GPC6: variants seen among roughly 807,000 people sequenced by gnomAD.
GPC6 encodes glypican-6.
A neutral mutation model predicts 55.2 loss-of-function variants in GPC6; 14 were observed. The observed-to-expected ratio is 0.25, with a 90% CI of 0.17 to 0.40. The LOEUF (loss-of-function observed/expected upper bound fraction) is 0.40. Among genes scored for constraint, GPC6 ranks in the 10% least tolerant of loss-of-function variants. The pLI, the probability that GPC6 is intolerant of heterozygous loss-of-function variation, is 1.00. For synonymous variants in GPC6, 278 were observed against 259.6 expected, an observed-to-expected ratio of 1.07 and a Z score of -0.68; for missense variants, 641 against 708.5, an observed-to-expected ratio of 0.90 and a Z score of 1.08.
intron 7 of GPC6, among the ~76,000 whole-genome samples, chr13:94,392,414 AATTTTTTTTTTTT>A (rs1301342979): frequency 8.3e-5 from 9 of 108,136 alleles, no homozygotes; most frequent in African/African-American, 2.8e-4. Context: ...TTCTATTTTT[AATTTTTTTTTTTT>A]TTTTTTTTTT....
intron 3 of GPC6, among the ~76,000 whole-genome samples, chr13:93,953,776 C>T (rs918498299): frequency 2.0e-5 from 3 of 152,074 alleles, no homozygotes; most frequent in African/African-American, 7.2e-5. Context: ...TGTTATCTTC[C>T]CCTTGCACTC....
At chr13:93,825,607 C>A (rs917532553) in intron 2 of GPC6, among the ~76,000 whole-genome samples, 2 of 152,292 alleles carry the variant, frequency 1.3e-5, no homozygotes, top group Non-Finnish European at 2.9e-5. Context: ...TTCATTAACG[C>A]TCCTCATTAA....
At chr13:94,334,176 C>G (rs61962184) in intron 6 of GPC6, among the ~76,000 whole-genome samples, 1 of 152,196 alleles carries the variant, frequency 6.6e-6, no homozygotes, top group East Asian at 1.9e-4. Context: ...ACCCAGTGGT[C>G]TCTGTCACAG....
chr13:93,668,412 T>C (rs978865032), intron 2 of GPC6, among the ~76,000 whole-genome samples: 16 of 152,204 alleles, frequency 1.1e-4, no homozygotes, highest in African/African-American at 3.6e-4. Context: ...TGCCTGATAG[T>C]GTAGTGGGTT....
chr13:93,469,157 G>A (rs758246414), intron 1 of GPC6, among the ~76,000 whole-genome samples: 3 of 151,980 alleles, frequency 2.0e-5, no homozygotes, highest in Non-Finnish European at 4.4e-5. Context: ...ATAAATAAAT[G>A]TATTATAAAT....
intron 2 of GPC6, among the ~76,000 whole-genome samples, chr13:93,722,186 T>C (rs1307497307): frequency 6.6e-6 from 1 of 151,812 alleles, no homozygotes; most frequent in Non-Finnish European, 1.5e-5. Context: ...CCTTCAATTA[T>C]GGCCATTTTA....
chr13:93,327,136 T>C (rs1189889499), intron 1 of GPC6, among the ~76,000 whole-genome samples: 1 of 152,186 alleles, frequency 6.6e-6, no homozygotes, highest in Non-Finnish European at 1.5e-5. Flanking sequence ...TTTGATGTGT[T>C]CAAATGTGAT....
chr13:93,644,995 G>C (rs1475200287), intron 2 of GPC6, among the ~76,000 whole-genome samples: 1 of 152,052 alleles, frequency 6.6e-6, no homozygotes, highest in Non-Finnish European at 1.5e-5. Flanking sequence ...CAAAAGCAAA[G>C]AGTGTACCAG....
rs372764406 is a variant in GPC6 at position 93,346,165 on chromosome 13, T to A, written c.160+118549T>A. On this transcript the variant is annotated intron_variant, in intron 1 of 8. Coordinates refer to ENST00000377047, the MANE Select transcript of GPC6 (RefSeq NM_005708.5). ...AGAACTGCAGTTCATTTTTTTTTCA[T>A]TAAGTTTTAAAGAGAAGGTGAAGGG... Among the ~76,000 whole-genome samples, 17 of 152,164 alleles carry A rather than the reference T, an allele frequency of 1.1e-4. No homozygotes were observed. In the East Asian group the frequency reaches 1.2e-3, roughly 10 times the overall value.
At chr13:93,837,216 A>C (rs145988598) in intron 3 of GPC6, among the ~76,000 whole-genome samples, 1 of 152,152 alleles carries the variant, frequency 6.6e-6, no homozygotes, top group East Asian at 1.9e-4. Flanking sequence ...ATATTACTTC[A>C]TGGTAAAATT....
At chr13:93,492,991 G>T in intron 1 of GPC6, among the ~76,000 whole-genome samples, 1 of 93,050 alleles carries the variant, frequency 1.1e-5, no homozygotes. Flanking sequence ...CTCTTTTTTG[G>T]TTGTGTCTCT....
chr13:94,274,467 T>C (rs10219830), intron 4 of GPC6, among the ~76,000 whole-genome samples: 5,818 of 152,276 alleles, frequency 0.038, 380 homozygotes, highest in African/African-American at 0.13. Context: ...TTGGTTCGCT[T>C]CCATTTTCTA....
chr13:94,402,339 G>A (rs915796469), intron 8 of GPC6, among the ~76,000 whole-genome samples: 1 of 152,218 alleles, frequency 6.6e-6, no homozygotes, highest in African/African-American at 2.4e-5. Flanking sequence ...GTACTGGCCA[G>A]AAGAAATGTC....
At position 94,406,025 on chromosome 13, in the gene GPC6, T is replaced by C. The variant is rs1219781024; in HGVS notation, c.*2808T>C. On this transcript the variant is annotated 3_prime_UTR_variant, in exon 9 of 9. Coordinates refer to ENST00000377047, the MANE Select transcript of GPC6 (RefSeq NM_005708.5). ...TAGGGGATGCAATGAGGCTTCATTATTTTTTATGACCTGCCCCTCATTTGC... is the reference window on the plus strand; with the variant it reads ...TAGGGGATGCAATGAGGCTTCATTACTTTTTATGACCTGCCCCTCATTTGC... The C allele has an allele frequency of 1.3e-5, 2 of 152,156 alleles. No individual in the cohort carries two copies. Among genetic ancestry groups the C allele is most frequent in the African/African-American group, 4.8e-5 (2 of 41,444 alleles). The allele number at this position is 152,156 out of a possible 1,614,324, so 9.4% of individuals were successfully genotyped here.
intron 4 of GPC6, among the ~76,000 whole-genome samples, chr13:94,236,610 C>T (rs1351252933): frequency 2.0e-5 from 3 of 151,968 alleles, no homozygotes; most frequent in African/African-American, 4.8e-5. Flanking sequence ...CAAGGTGAGG[C>T]GATCAGGGAA....
intron 1 of GPC6, among the ~76,000 whole-genome samples, chr13:93,458,438 C>T (rs12872716): frequency 2.4e-4 from 36 of 151,950 alleles, no homozygotes; most frequent in Non-Finnish European, 3.5e-4. Flanking sequence ...TCCTCCCTAC[C>T]CCCCCATATA....
intron 4 of GPC6, among the ~76,000 whole-genome samples, chr13:94,056,273 C>T (rs1037217872): frequency 6.6e-6 from 1 of 152,112 alleles, no homozygotes; most frequent in African/African-American, 2.4e-5. Context: ...CCCCACTTCA[C>T]CACCTTCTTT....
At chr13:94,147,414 C>T (rs1026383090) in intron 4 of GPC6, among the ~76,000 whole-genome samples, 1 of 152,180 alleles carries the variant, frequency 6.6e-6, no homozygotes, top group Non-Finnish European at 1.5e-5. Flanking sequence ...AGGGCTACCA[C>T]TCACTAGCTG....
At chr13:93,625,089 T>C (rs940788399) in intron 2 of GPC6, among the ~76,000 whole-genome samples, 38 of 152,244 alleles carry the variant, frequency 2.5e-4, no homozygotes, top group African/African-American at 9.1e-4. Flanking sequence ...GTAAAACACA[T>C]TGGTTGGAAA....
Sources: gnomAD v4.1 joint callset for allele counts (sites outside exome capture counted in the v4.1 genomes callset) on GRCh38, gnomAD v4.1.1 for gene constraint, MANE v1.5 for transcripts, NCBI Gene and HGNC (gene_info 2026-07-23, HGNC 2026-07-21) for gene names.